Variants in SPRED1 observed in about 807,000 individuals in gnomAD.
The protein encoded by SPRED1 is sprouty-related, EVH1 domain-containing protein 1.
SPRED1 carries 18 observed loss-of-function variants against 52.3 expected under a neutral mutation model. The observed-to-expected ratio is 0.34, with a 90% confidence interval of 0.24 to 0.51. SPRED1 has a LOEUF of 0.51. Ranked by LOEUF, SPRED1 falls within the 20% of genes least tolerant of loss-of-function variation. The pLI is 0.97. For missense variants in SPRED1, 485 were observed against 551.0 expected, an observed-to-expected ratio of 0.88 and a Z score of 1.20; for synonymous variants, 155 against 179.7, an observed-to-expected ratio of 0.86 and a Z score of 1.10.
rs116076104 is a variant in SPRED1 at position 38,305,490 on chromosome 15, G to A, written c.207+5943G>A. 4.3e-3 allele frequency among the ~76,000 whole-genome samples: 655 copies of A among 151,586 alleles called. 8 individuals carry two copies. The highest frequency in any genetic ancestry group is 0.014 in the African/African-American group (583 of 41,340). ...CAAAAATAGAAATCTCAGTTCTTGA[G>A]GTAGTATACATTCTAGTGGAAGATA... On this transcript the variant is annotated intron_variant, in intron 2 of 6. Transcript: ENST00000299084.
At chr15:38,315,084 C>T (rs1167047002) in intron 2 of SPRED1, among the ~76,000 whole-genome samples, 1 of 151,796 alleles carries the variant, frequency 6.6e-6, no homozygotes, top group Non-Finnish European at 1.5e-5. Context: ...TTAAAGGGTA[C>T]AGGTTTTTAT....
At chr15:38,342,989 C>T (rs7497176) in intron 5 of SPRED1, among the ~76,000 whole-genome samples, 4,917 of 152,044 alleles carry the variant, frequency 0.032, 130 homozygotes, top group Middle Eastern at 0.054. Context: ...AAACTATTAG[C>T]GGTAGGGAAT....
intron 2 of SPRED1, among the ~76,000 whole-genome samples, chr15:38,309,181 GTCT>G (rs1895312214): frequency 6.6e-6 from 1 of 152,002 alleles, no homozygotes; most frequent in African/African-American, 2.4e-5. Context: ...TGTAGATAGC[GTCT>G]TCTTCTAGTG....
At chr15:38,305,945 TA>T (rs1439795284) in intron 2 of SPRED1, among the ~76,000 whole-genome samples, 1 of 152,154 alleles carries the variant, frequency 6.6e-6, no homozygotes, top group African/African-American at 2.4e-5. Flanking sequence ...TTCATTCTTT[TA>T]ATCTCTACCC....
intron 1 of SPRED1, among the ~76,000 whole-genome samples, chr15:38,293,708 C>T (rs1379321010): frequency 6.6e-6 from 1 of 152,070 alleles, no homozygotes; most frequent in Non-Finnish European, 1.5e-5. Context: ...GAGTACTAAC[C>T]TTGAGCATAG....
At chr15:38,266,831 CA>C (rs1894316294) in intron 1 of SPRED1, among the ~76,000 whole-genome samples, 1 of 31,334 alleles carries the variant, frequency 3.2e-5, no homozygotes, top group Non-Finnish European at 1.6e-4. Flanking sequence ...CTAAGTGAGC[CA>C]AAAAGAAAAA....
rs1879938 is a variant in SPRED1, at chr15:38,324,912, C to T, written c.423+103C>T. 0.88 allele frequency: 842,692 copies of T among 962,078 alleles called. 371,552 individuals are homozygous for T. Among genetic ancestry groups the T allele is most frequent in the Non-Finnish European group, 0.9 (552,744 of 615,114 alleles). The allele number at this position is 962,078 out of a possible 1,614,324, so 59.6% of individuals were successfully genotyped here. On this transcript the variant is annotated intron_variant, in intron 4 of 6. Coordinates refer to ENST00000299084, the MANE Select transcript of SPRED1 (RefSeq NM_152594.3). ...AATTACTAAGAATATTTCTAAGACACTCTATTTGTCAGATTTCTCCAGAAG... is the reference window on the plus strand; with the variant it reads ...AATTACTAAGAATATTTCTAAGACATTCTATTTGTCAGATTTCTCCAGAAG...
rs11634702 is a variant in SPRED1 at position 38,355,185 on chromosome 15, A to G, written c.*3521A>G. ...TGGCCAGGCTGGTCTTGAACTCCTGACCTTAGGTGATCCACCCACCTCGGC... is the reference window on the plus strand; with the variant it reads ...TGGCCAGGCTGGTCTTGAACTCCTGGCCTTAGGTGATCCACCCACCTCGGC... On this transcript the variant is annotated 3_prime_UTR_variant, in exon 7 of 7. Transcript: ENST00000299084. 18,459 of 152,194 alleles carry G rather than the reference A, an allele frequency of 0.12. 1,930 individuals are homozygous for G. Among genetic ancestry groups the G allele is most frequent in the East Asian group, 0.55 (2,813 of 5,156 alleles). The allele number at this position is 152,194 out of a possible 1,614,324, so 9.4% of individuals were successfully genotyped here. A position where few individuals can be genotyped will look rare whatever the true frequency, so the allele number is the denominator to read the frequency against.
At chr15:38,340,964 A>G (rs1040057948) in intron 5 of SPRED1, among the ~76,000 whole-genome samples, 9 of 146,480 alleles carry the variant, frequency 6.1e-5, no homozygotes, top group Non-Finnish European at 1.3e-4. Flanking sequence ...AATGTTTGGT[A>G]GAATTCCTTA....
chr15:38,256,330 A>T (rs1894096282), intron 1 of SPRED1, among the ~76,000 whole-genome samples: 1 of 152,124 alleles, frequency 6.6e-6, no homozygotes, highest in Non-Finnish European at 1.5e-5. Flanking sequence ...TTTCCGATAG[A>T]TATAACTGTA....
Position 38,306,205 on chromosome 15 carries a change from T to C in SPRED1, c.207+6658T>C, listed in dbSNP as rs200141095. On this transcript the variant is annotated intron_variant, in intron 2 of 6. Coordinates refer to ENST00000299084, the MANE Select transcript of SPRED1 (RefSeq NM_152594.3). ...TTTTTCTCAAAGGTAATCATTTCCATGGTATTTCCTTACTGAGTTACTTGT... is the reference window on the plus strand; with the variant it reads ...TTTTTCTCAAAGGTAATCATTTCCACGGTATTTCCTTACTGAGTTACTTGT... Among the ~76,000 whole-genome samples, 3 of 152,214 alleles carry C rather than the reference T, an allele frequency of 2.0e-5. No homozygotes were observed. The East Asian group carries it at 5.8e-4, about 29-fold the overall frequency.
intron 5 of SPRED1, among the ~76,000 whole-genome samples, chr15:38,347,068 A>T (rs1023266244): frequency 2.0e-5 from 3 of 152,192 alleles, no homozygotes; most frequent in African/African-American, 7.2e-5. Flanking sequence ...GTGAGCAGAC[A>T]TTATAAATTT....
chr15:38,269,636 A>T (rs552212128), intron 1 of SPRED1, among the ~76,000 whole-genome samples: 1 of 152,300 alleles, frequency 6.6e-6, no homozygotes, highest in Admixed American at 6.5e-5. Flanking sequence ...TTATCTGCTA[A>T]AATTTTTACT....
At chr15:38,268,309 A>C (rs757546845) in intron 1 of SPRED1, 5 of 152,214 alleles carry the variant, frequency 3.3e-5, no homozygotes, top group Non-Finnish European at 7.3e-5. Context: ...GTGAATCTTC[A>C]CTACCAACAC....
At chr15:38,268,614 G>T (rs1894362020) in intron 1 of SPRED1, among the ~76,000 whole-genome samples, 1 of 152,066 alleles carries the variant, frequency 6.6e-6, no homozygotes, top group Non-Finnish European at 1.5e-5. Context: ...AGTGACCAGG[G>T]TATAGTAAAT....
chr15:38,260,327 C>T (rs771864794), intron 1 of SPRED1, among the ~76,000 whole-genome samples: 8 of 152,218 alleles, frequency 5.3e-5, no homozygotes, highest in Non-Finnish European at 1.0e-4. Flanking sequence ...TTCATCATCA[C>T]ATGGCGGTGT....
rs1595761197 is a variant in SPRED1, at chr15:38,347,148, C to G, written c.583-2274C>G. 3.3e-5 allele frequency among the ~76,000 whole-genome samples: 5 copies of G among 152,166 alleles called. No homozygotes were observed. The South Asian group carries it at 1.0e-3, about 32-fold the overall frequency. ...TCCCTATCCTCATCTTAAAGATTTT[C>G]TTCCTAATCTAAAAGTTTTAAAGTT... On this transcript the variant is annotated intron_variant, in intron 5 of 6. Coordinates refer to ENST00000299084, the MANE Select transcript of SPRED1 (RefSeq NM_152594.3).
intron 2 of SPRED1, among the ~76,000 whole-genome samples, chr15:38,319,103 A>G (rs1048002299): frequency 3.3e-5 from 5 of 149,590 alleles, no homozygotes; most frequent in Non-Finnish European, 6.0e-5. Context: ...TTATTATTAT[A>G]TATTAAAAAA....
At chr15:38,325,077 A>G (rs914174144) in intron 4 of SPRED1, among the ~76,000 whole-genome samples, 5 of 151,818 alleles carry the variant, frequency 3.3e-5, no homozygotes, top group African/African-American at 9.7e-5. Flanking sequence ...GGCTGAAGCA[A>G]CCCACCCACC....
Sources: allele counts gnomAD v4.1 joint callset (sites outside exome capture counted in the v4.1 genomes callset), GRCh38; gene constraint gnomAD v4.1.1; transcripts MANE v1.5; gene names NCBI Gene and HGNC (gene_info 2026-07-23, HGNC 2026-07-21).